The following RBM19 variants were observed in gnomAD, a reference collection of about 807,000 sequenced individuals.
RBM19 encodes the protein RNA binding motif protein 19, also known as probable RNA-binding protein 19.
A neutral mutation model predicts 116.8 loss-of-function variants in RBM19; 94 were observed. That is an observed-to-expected ratio of 0.80 (90% CI 0.68 to 0.95). RBM19 has a LOEUF of 0.95. RBM19 is among the 40% of genes least tolerant of loss of function. The pLI is 0.00. For missense variants in RBM19, 1,161 were observed against 1,220.7 expected, an observed-to-expected ratio of 0.95 and a Z score of 0.73; for synonymous variants, 475 against 494.1, an observed-to-expected ratio of 0.96 and a Z score of 0.51.
intron 21 of RBM19, among the ~76,000 whole-genome samples, chr12:113,877,652 G>A (rs1479815153): frequency 1.3e-5 from 2 of 152,210 alleles, no homozygotes; most frequent in Non-Finnish European, 2.9e-5. Context: ...ATCAGGATGG[G>A]TATGAGCAGG....
In RBM19 at chr12:113,898,705, A is replaced by C. The variant is rs1881499869; in HGVS notation, c.2558+16264T>G. Among the ~76,000 whole-genome samples, 1 of 152,244 alleles carries C rather than the reference A, an allele frequency of 6.6e-6. No individual in the cohort carries two copies. ...GTATTCTCATCCTGCACAAGCACTT[A>C]CTTATGCAAACAGGCATTCTCTGCA... On this transcript the variant is annotated intron_variant, in intron 21 of 23. Coordinates refer to ENST00000261741, the MANE Select transcript of RBM19 (RefSeq NM_016196.4). This position sits in a 1 kb window ranked among gnomAD's most constrained non-coding sequence, Gnocchi z 4.3.
intron 13 of RBM19, among the ~76,000 whole-genome samples, chr12:113,943,199 C>A (rs904038039): frequency 6.6e-6 from 1 of 152,192 alleles, no homozygotes; most frequent in Non-Finnish European, 1.5e-5. Flanking sequence ...CCAGGCCTGC[C>A]GCACTGCACC....
At chr12:113,950,959 C>G (rs1009080005) in intron 8 of RBM19, among the ~76,000 whole-genome samples, 1 of 152,176 alleles carries the variant, frequency 6.6e-6, no homozygotes, top group Non-Finnish European at 1.5e-5. Context: ...TGGCAAACGC[C>G]TGGCTCCAGG....
intron 23 of RBM19, among the ~76,000 whole-genome samples, chr12:113,827,102 T>C (rs1874933480): frequency 6.6e-6 from 1 of 152,198 alleles, no homozygotes; most frequent in Non-Finnish European, 1.5e-5. Flanking sequence ...GAACAGCTGC[T>C]GAAATCCCAC....
chr12:113,944,898 C>T (rs115818861), intron 13 of RBM19, among the ~76,000 whole-genome samples: 1,642 of 150,976 alleles, frequency 0.011, 15 homozygotes, highest in African/African-American at 0.038. Flanking sequence ...TATACATATA[C>T]ACACACACAC....
chr12:113,831,980 C>G (rs947781418), intron 23 of RBM19, among the ~76,000 whole-genome samples: 2 of 152,102 alleles, frequency 1.3e-5, no homozygotes. Flanking sequence ...CACTTGGGCG[C>G]ACACTTGGGA....
downstream of RBM19, chr12:113,821,944 C>G (rs764350232): frequency 6.6e-6 from 1 of 152,122 alleles, no homozygotes. Flanking sequence ...AGACTGGAAC[C>G]TCATCCCCAC....
At chr12:113,871,846 G>A (rs1227588237) in intron 21 of RBM19, among the ~76,000 whole-genome samples, 1 of 152,102 alleles carries the variant, frequency 6.6e-6, no homozygotes, top group Non-Finnish European at 1.5e-5. Context: ...GGAGGCAGCG[G>A]CTGGAGGAGC....
At chr12:113,857,498 C>T (rs1287967971) in intron 22 of RBM19, among the ~76,000 whole-genome samples, 1 of 152,256 alleles carries the variant, frequency 6.6e-6, no homozygotes, top group Non-Finnish European at 1.5e-5. Context: ...CTGCCCTGAG[C>T]CAACACAGGG....
intron 21 of RBM19, among the ~76,000 whole-genome samples, chr12:113,879,980 A>G (rs1879988164): frequency 6.6e-6 from 1 of 151,730 alleles, no homozygotes; most frequent in African/African-American, 2.4e-5. Flanking sequence ...CTGCCCTACA[A>G]AATGACAGCT....
intron 13 of RBM19, 150 bp from the exon 14 acceptor site, chr12:113,942,584 C>T (rs913082038): frequency 2.1e-4 from 126 of 586,170 alleles, no homozygotes; most frequent in African/African-American, 4.0e-4. Context: ...ATGCCCCCAA[C>T]GGCTCTGTGC....
At chr12:113,886,660 C>A (rs111389028) in intron 21 of RBM19, among the ~76,000 whole-genome samples, 2 of 151,184 alleles carry the variant, frequency 1.3e-5, no homozygotes, top group African/African-American at 4.9e-5. Flanking sequence ...TTTCACAATG[C>A]GGTTTTGTTT....
intron 22 of RBM19, among the ~76,000 whole-genome samples, chr12:113,851,936 A>T (rs1396346576): frequency 6.6e-6 from 1 of 151,968 alleles, no homozygotes; most frequent in Non-Finnish European, 1.5e-5. Flanking sequence ...CTGTGATCCT[A>T]GCTACTTGGG....
At chr12:113,818,973 G>A (rs186574876), downstream of RBM19, among the ~76,000 whole-genome samples, 4 of 152,338 alleles carry the variant, frequency 2.6e-5, no homozygotes, top group South Asian at 2.1e-4. Context: ...GAGACGCCAC[G>A]TGGGACAGAG....
chr12:113,873,543 G>A (rs1185870047), intron 21 of RBM19, among the ~76,000 whole-genome samples: 20 of 112,086 alleles, frequency 1.8e-4, no homozygotes, highest in African/African-American at 4.9e-4. Flanking sequence ...CAAACACTGC[G>A]GAAGGCCGCA....
At chr12:113,901,124 T>C (rs1018052032) in intron 21 of RBM19, among the ~76,000 whole-genome samples, 6 of 152,256 alleles carry the variant, frequency 3.9e-5, no homozygotes, top group Non-Finnish European at 8.8e-5. Flanking sequence ...CTACATTCTT[T>C]ATAGTACAAG....
intron 20 of RBM19, among the ~76,000 whole-genome samples, chr12:113,916,916 G>C (rs1229928813): frequency 6.6e-6 from 1 of 152,170 alleles, no homozygotes; most frequent in Non-Finnish European, 1.5e-5. Flanking sequence ...TTTCTTTTCA[G>C]CCTTTAAGTT....
At chr12:113,950,939 C>T (rs11066846) in intron 8 of RBM19, among the ~76,000 whole-genome samples, 24,932 of 152,020 alleles carry the variant, frequency 0.16, 2,792 homozygotes, top group African/African-American at 0.32. Flanking sequence ...ACTGATCCTC[C>T]CTTAGACGAT....
At chr12:113,913,029 C>G (rs1882544850) in intron 21 of RBM19, among the ~76,000 whole-genome samples, 1 of 152,076 alleles carries the variant, frequency 6.6e-6, no homozygotes, top group African/African-American at 2.4e-5. Context: ...AGAAGAGTCA[C>G]CACATGTAAT....
Sources: gnomAD v4.1 joint callset for allele counts (sites outside exome capture counted in the v4.1 genomes callset) on GRCh38, gnomAD v4.1.1 for gene constraint, Gnocchi (gnomAD v3.1) non-coding constraint, MANE v1.5 for transcripts, NCBI Gene and HGNC (gene_info 2026-07-23, HGNC 2026-07-21) for gene names.